The following MBLAC2 variants were observed in gnomAD, a reference collection of about 807,000 sequenced individuals.
MBLAC2 encodes metallo-beta-lactamase domain containing 2.
In MBLAC2, 24 loss-of-function variants were observed where a neutral mutation model predicts 23.3. The ratio of observed to expected loss-of-function variants is 1.03; its 90% CI spans 0.75 to 1.45. The LOEUF (loss-of-function observed/expected upper bound fraction) is 1.45, where lower values mean the gene tolerates loss of function less well. Ranked by LOEUF, MBLAC2 falls within the 40% of genes most tolerant of loss-of-function variation. The probability of loss-of-function intolerance (pLI) is 0.00; values close to 1 mark genes in which losing one functional copy is unlikely to be tolerated. For synonymous variants in MBLAC2, 162 were observed against 150.9 expected, an observed-to-expected ratio of 1.07 and a Z score of -0.54; for missense variants, 358 against 370.0, an observed-to-expected ratio of 0.97 and a Z score of 0.27.
chr5:90,473,995 C>T lies in MBLAC2; in HGVS notation c.298G>A (p.Val100Met). 2 of 1,599,072 alleles carry T rather than the reference C, an allele frequency of 1.3e-6. No homozygotes were observed. The highest frequency in any genetic ancestry group is 1.7e-6 in the Non-Finnish European group (2 of 1,173,910). The part of the protein sequence containing the change: ...GGLYQFDRVA[V>M]HHAEAEALAR... The stretch of plus-strand genomic sequence containing the variant: ...AGCGCCTCGGCCTCGGCGTGGTGCA[C>T]TGCCACGCGGTCGAACTGGTAGAGG... The change falls in exon 1 of 2, where the codon GTG becomes ATG. Residue 100 changes from valine to methionine, a missense_variant. Coordinates refer to ENST00000316610, the MANE Select transcript of MBLAC2 (RefSeq NM_203406.2).
Position 90,461,017 on chromosome 5 carries a change from A to C in MBLAC2, c.*150T>G. 1 of 659,038 alleles carries C rather than the reference A, an allele frequency of 1.5e-6. No homozygotes were observed. The highest frequency in any genetic ancestry group is 2.4e-6 in the Non-Finnish European group (1 of 420,178). The allele number at this position is 659,038 out of a possible 1,614,324, so 40.8% of individuals were successfully genotyped here. On this transcript the variant is annotated 3_prime_UTR_variant, in exon 2 of 2. Transcript: ENST00000316610. ...AGAAAGAAAACAATTTAAACTAACAATTTTCTTTTTGGCTTATTCATTCTC... is the reference window on the plus strand; with the variant it reads ...AGAAAGAAAACAATTTAAACTAACACTTTTCTTTTTGGCTTATTCATTCTC...
intron 1 of MBLAC2, chr5:90,472,943 A>C (rs1750586727): frequency 6.6e-6 from 1 of 152,268 alleles, no homozygotes. Flanking sequence ...TTTTAAAAAG[A>C]AAATAGAAAA....
At chr5:90,463,549 G>A (rs1308992876) in intron 1 of MBLAC2, among the ~76,000 whole-genome samples, 1 of 152,144 alleles carries the variant, frequency 6.6e-6, no homozygotes, top group African/African-American at 2.4e-5. Context: ...TTGAATGAAT[G>A]AAAACAAAAT....
At chr5:90,472,845 T>A (rs1750584030) in intron 1 of MBLAC2, 1 of 152,248 alleles carries the variant, frequency 6.6e-6, no homozygotes, top group Non-Finnish European at 1.5e-5. Flanking sequence ...CTAGCTTTTA[T>A]CATGATCTGG....
In MBLAC2 at chr5:90,474,169, C is replaced by A. The variant is rs147831525; in HGVS notation, c.124G>T (p.Val42Leu). The A allele has an allele frequency of 5.6e-4, 902 of 1,602,488 alleles. 1 individual carries two copies. The highest frequency in any genetic ancestry group is 1.2e-3 in the South Asian group (105 of 89,404). ...IWLVRGSEQD[V>L]VIDTGLGLRS... is the part of the protein sequence containing the mutation. ...AGCCCCAGGCCTGTATCGATCACCA[C>A]GTCCTGCTCGGAGCCGCGCACCAGC... is the stretch of plus-strand genomic sequence containing the variant. Residue 42 changes from valine (V) to leucine (L), a missense_variant, in exon 1 of 2, where the codon GTG (valine) becomes TTG (leucine). Val to Leu is a conservative substitution (Grantham distance 32). Coordinates refer to ENST00000316610, the MANE Select transcript of MBLAC2 (RefSeq NM_203406.2).
chr5:90,471,836 C>A (rs1045619428), intron 1 of MBLAC2: 3 of 152,176 alleles, frequency 2.0e-5, no homozygotes, highest in Admixed American at 2.0e-4. Flanking sequence ...GGAAATTAGA[C>A]ACTACCTGAG....
chr5:90,460,386 T>C lies in MBLAC2; in HGVS notation c.*781A>G, dbSNP rs1217893187. 6.6e-6 allele frequency: 1 copy of C among 152,596 alleles called. No homozygotes were observed. Among genetic ancestry groups the C allele is most frequent in the Non-Finnish European group, 1.5e-5 (1 of 67,984 alleles). The allele number at this position is 152,596 out of a possible 1,614,324, so 9.5% of individuals were successfully genotyped here. A position where few individuals can be genotyped will look rare whatever the true frequency, so the allele number is the denominator to read the frequency against. ...ATAATAAAAAATTATTCTCAATGTGTATATTTTCAAATTTGCCTGACAGTG... is the reference window on the plus strand; with the variant it reads ...ATAATAAAAAATTATTCTCAATGTGCATATTTTCAAATTTGCCTGACAGTG... On this transcript the variant is annotated 3_prime_UTR_variant, in exon 2 of 2. Transcript: ENST00000316610.
rs988330456 is a variant in MBLAC2 at position 90,458,604 on chromosome 5, A to G, written c.*2563T>C. 1 of 152,174 alleles carries G rather than the reference A, an allele frequency of 6.6e-6. No individual in the cohort carries two copies. The highest frequency in any genetic ancestry group is 1.5e-5 in the Non-Finnish European group (1 of 68,014). 9.4% of individuals were successfully genotyped at this position (152,174 alleles called of 1,614,324 possible). A position where few individuals can be genotyped will look rare whatever the true frequency, so the allele number is the denominator to read the frequency against. Reference sequence around the variant, plus strand: ...TATTATTATGCTTTAACATCATTTCATTTATTCTTGGCACACACGGCATCT... The same window carrying G: ...TATTATTATGCTTTAACATCATTTCGTTTATTCTTGGCACACACGGCATCT... On this transcript the variant is annotated 3_prime_UTR_variant, in exon 2 of 2. Coordinates refer to ENST00000316610, the MANE Select transcript of MBLAC2 (RefSeq NM_203406.2).
intron 1 of MBLAC2, chr5:90,473,540 G>A (rs1750608096): frequency 1.6e-6 from 1 of 619,734 alleles, no homozygotes; most frequent in Non-Finnish European, 2.8e-6. Flanking sequence ...ACAAGTCTTT[G>A]TAGTGTTACT....
chr5:90,464,765 T>A (rs899236957), intron 1 of MBLAC2, among the ~76,000 whole-genome samples: 6 of 152,170 alleles, frequency 3.9e-5, no homozygotes, highest in Non-Finnish European at 8.8e-5. Flanking sequence ...ATATACTGTA[T>A]TAATAAAGGA....
At chr5:90,469,298 TC>T (rs1750505969) in intron 1 of MBLAC2, among the ~76,000 whole-genome samples, 1 of 152,104 alleles carries the variant, frequency 6.6e-6, no homozygotes, top group South Asian at 2.1e-4. Flanking sequence ...ACCTTCTCTG[TC>T]CTATCTCTGC....
chr5:90,465,178 A>G (rs1341019204), intron 1 of MBLAC2, among the ~76,000 whole-genome samples: 2 of 152,186 alleles, frequency 1.3e-5, no homozygotes, highest in African/African-American at 4.8e-5. Flanking sequence ...ACAAAGATAA[A>G]CTATATTTCT....
At position 90,463,816 on chromosome 5, in the gene MBLAC2, TACA is replaced by T. The variant is rs1385643429; in HGVS notation, c.455-2267_455-2265del. 2.0e-5 allele frequency among the ~76,000 whole-genome samples: 3 copies of T among 152,038 alleles called. No homozygotes were observed. In the East Asian group the frequency reaches 5.8e-4, roughly 29 times the overall value. On this transcript the variant is annotated intron_variant, in intron 1 of 1. Transcript: ENST00000316610. ...AACCAACAGTTGTTTATTTGAAAAC[TACA>T]ACAAAATTGATACACCTTTAGCTAG...
Position 90,474,112 on chromosome 5 carries a change from C to T in MBLAC2, c.181G>A (p.Gly61Ser), listed in dbSNP as rs1488746577. ...RSLPEYLYSS[G>S]LLQDREAKED... Reference sequence around the variant, plus strand: ...TTGGCCTCTCGGTCCTGCAAGAGGCCGGAGGAGTACAGGTACTCCGGGAGG... The same window carrying T: ...TTGGCCTCTCGGTCCTGCAAGAGGCTGGAGGAGTACAGGTACTCCGGGAGG... The change falls in exon 1 of 2, where the codon GGC (glycine) becomes AGC (serine). Residue 61 changes from glycine to serine, a missense_variant. Transcript: ENST00000316610. 2.5e-6 allele frequency: 4 copies of T among 1,579,278 alleles called. No individual in the cohort carries two copies. In the African/African-American group the frequency reaches 5.4e-5, roughly 21 times the overall value.
In MBLAC2 at chr5:90,458,240, T is replaced by C. The variant is rs1301948191; in HGVS notation, c.*2927A>G. 6.6e-6 allele frequency: 1 copy of C among 152,170 alleles called. No homozygotes were observed. Among genetic ancestry groups the C allele is most frequent in the East Asian group, 1.9e-4 (1 of 5,198 alleles). 9.4% of individuals were successfully genotyped at this position (152,170 alleles called of 1,614,324 possible). A position where few individuals can be genotyped will look rare whatever the true frequency, so the allele number is the denominator to read the frequency against. On this transcript the variant is annotated 3_prime_UTR_variant, in exon 2 of 2. Transcript: ENST00000316610. ...GACTAATATTTATTACACAAGTGCTTAGTTACACTTATCTGAAAATTATAA... is the reference window on the plus strand; with the variant it reads ...GACTAATATTTATTACACAAGTGCTCAGTTACACTTATCTGAAAATTATAA...
At chr5:90,473,476 C>A (rs1229453188) in intron 1 of MBLAC2, 1 of 578,222 alleles carries the variant, frequency 1.7e-6, no homozygotes, top group African/African-American at 1.9e-5. Context: ...TACGAAAGCT[C>A]CTGGAAATGT....
chr5:90,473,894 C>G lies in MBLAC2; in HGVS notation c.399G>C (p.Trp133Cys). The change falls in exon 1 of 2, where the codon TGG becomes TGC. Residue 133 changes from tryptophan to cysteine, a missense_variant. By Grantham distance (215) the Trp-to-Cys change is radical. Coordinates refer to ENST00000316610, the MANE Select transcript of MBLAC2 (RefSeq NM_203406.2). ...CCTGTACCCGGAACTGTCTGGCCCTCCAGCCGGGGCTGGGCGTCCGCACCA... is the reference window on the plus strand; with the variant it reads ...CCTGTACCCGGAACTGTCTGGCCCTGCAGCCGGGGCTGGGCGTCCGCACCA... ...SEVVRTPSPGWRARQFRVQAV... is the reference protein window; with the variant it reads ...SEVVRTPSPGCRARQFRVQAV... 1 of 1,605,846 alleles carries G rather than the reference C, an allele frequency of 6.2e-7. No homozygotes were observed. Among genetic ancestry groups the G allele is most frequent in the Non-Finnish European group, 8.5e-7 (1 of 1,176,878 alleles).
Position 90,459,086 on chromosome 5 carries a change from G to A in MBLAC2, c.*2081C>T, listed in dbSNP as rs545464899. 6.6e-6 allele frequency: 1 copy of A among 152,510 alleles called. No homozygotes were observed. The highest frequency in any genetic ancestry group is 2.1e-4 in the South Asian group (1 of 4,820). 9.4% of individuals were successfully genotyped at this position (152,510 alleles called of 1,614,324 possible). Reference sequence around the variant, plus strand: ...AATGGTCAGTGGTTAAGGACTTTTGGTTTTCCTTTGTGCTATTGATATAAA... The same window carrying A: ...AATGGTCAGTGGTTAAGGACTTTTGATTTTCCTTTGTGCTATTGATATAAA... On this transcript the variant is annotated 3_prime_UTR_variant, in exon 2 of 2. Transcript: ENST00000316610.
chr5:90,474,132 G>C lies in MBLAC2; in HGVS notation c.161C>G (p.Pro54Arg). Residue 54 changes from proline to arginine, a missense_variant, in exon 1 of 2, where the codon CCG becomes CGG. Transcript: ENST00000316610. ...IDTGLGLRSL[P>R]EYLYSSGLLQ... is the part of the protein sequence containing the mutation. ...GAGGCCGGAGGAGTACAGGTACTCC[G>C]GGAGGCTGCGCAGCCCCAGGCCTGT... is the stretch of plus-strand genomic sequence containing the variant. 1 of 1,586,298 alleles carries C rather than the reference G, an allele frequency of 6.3e-7. No homozygotes were observed. Among genetic ancestry groups the C allele is most frequent in the Non-Finnish European group, 8.6e-7 (1 of 1,166,086 alleles).
Sources: gnomAD v4.1 joint callset for allele counts (sites outside exome capture counted in the v4.1 genomes callset) on GRCh38, gnomAD v4.1.1 for gene constraint, MANE v1.5 for transcripts, NCBI Gene and HGNC (gene_info 2026-07-23, HGNC 2026-07-21) for gene names.